The following FGF12 variants were observed in gnomAD, a reference collection of about 807,000 sequenced individuals.
FGF12 encodes fibroblast growth factor 12, also known as fibroblast growth factor 12B.
FGF12 carries 14 observed loss-of-function variants against 23.6 expected under a neutral mutation model. That is an observed-to-expected ratio of 0.59 (90% CI 0.39 to 0.93). The LOEUF (loss-of-function observed/expected upper bound fraction) is 0.93, where lower values mean the gene tolerates loss of function less well. Ranked by LOEUF, FGF12 falls within the 40% of genes least tolerant of loss-of-function variation. The pLI, the probability that FGF12 is intolerant of heterozygous loss-of-function variation, is 0.00. For synonymous variants in FGF12, 62 were observed against 77.3 expected, an observed-to-expected ratio of 0.80 and a Z score of 1.04; for missense variants, 175 against 217.8, an observed-to-expected ratio of 0.80 and a Z score of 1.24.
At chr3:192,428,498 A>G (rs1175682563) in intron 2 of FGF12, among the ~76,000 whole-genome samples, 1 of 152,194 alleles carries the variant, frequency 6.6e-6, no homozygotes, top group Non-Finnish European at 1.5e-5. Flanking sequence ...AAATTAGAGT[A>G]TCTGGGTCTT....
At chr3:192,599,696 C>T (rs1714027959) in intron 2 of FGF12, among the ~76,000 whole-genome samples, 1 of 151,958 alleles carries the variant, frequency 6.6e-6, no homozygotes, top group African/African-American at 2.4e-5. Context: ...TAGTCTAGCA[C>T]TGAGGATACG....
chr3:192,511,458 CCT>C (rs1724473224), intron 2 of FGF12, among the ~76,000 whole-genome samples: 1 of 152,136 alleles, frequency 6.6e-6, no homozygotes, highest in Non-Finnish European at 1.5e-5. Flanking sequence ...CCACATTTCC[CCT>C]GACTACATTT....
intron 3 of FGF12, among the ~76,000 whole-genome samples, chr3:192,341,498 G>T (rs1176575591): frequency 6.6e-6 from 1 of 152,020 alleles, no homozygotes; most frequent in Admixed American, 6.6e-5. Context: ...ATAGTTCTCA[G>T]CTTTTCAAAA....
chr3:192,158,161 C>G (rs1043171140), intron 5 of FGF12, among the ~76,000 whole-genome samples: 3 of 152,108 alleles, frequency 2.0e-5, no homozygotes, highest in African/African-American at 4.8e-5. Flanking sequence ...GTACACAGCA[C>G]TTTCTGGAAT....
At position 192,247,706 on chromosome 3, in the gene FGF12, G is replaced by A. The variant is rs780090988; in HGVS notation, c.229-77050C>T. On this transcript the variant is annotated intron_variant, in intron 4 of 5. Transcript: ENST00000445105. ...AAGGAATGTATGCAAAATTGAAGACGTTAAGTCTGGGAAAGATTTATAGAA... is the reference window on the plus strand; with the variant it reads ...AAGGAATGTATGCAAAATTGAAGACATTAAGTCTGGGAAAGATTTATAGAA... Among the ~76,000 whole-genome samples the A allele has an allele frequency of 3.3e-5, 5 of 152,130 alleles. No individual in the cohort carries two copies. In the South Asian group the frequency reaches 6.2e-4, roughly 19 times the overall value.
At chr3:192,569,474 A>G (rs1532684) in intron 2 of FGF12, among the ~76,000 whole-genome samples, 97,455 of 152,092 alleles carry the variant, frequency 0.64, 32,119 homozygotes, top group African/African-American at 0.79. Context: ...ACCAGTAATT[A>G]AATATTTATA....
intron 2 of FGF12, among the ~76,000 whole-genome samples, chr3:192,656,766 G>A (rs1451010886): frequency 6.6e-6 from 1 of 152,136 alleles, no homozygotes; most frequent in Admixed American, 6.5e-5. Flanking sequence ...AAAACACCTA[G>A]CAGTGTAGGC....
intron 2 of FGF12, among the ~76,000 whole-genome samples, chr3:192,707,927 C>T (rs981494004): frequency 1.3e-5 from 2 of 151,912 alleles, no homozygotes; most frequent in Admixed American, 1.3e-4. Flanking sequence ...GAAGTTCAGT[C>T]ATATGGAATA....
At chr3:192,332,387 C>A (rs1169005076) in intron 4 of FGF12, among the ~76,000 whole-genome samples, 9 of 151,638 alleles carry the variant, frequency 5.9e-5, no homozygotes, top group Non-Finnish European at 1.2e-4. Flanking sequence ...AATAAAGCAA[C>A]AGAATTTTTT....
At chr3:192,547,201 C>A (rs1216054730) in intron 2 of FGF12, among the ~76,000 whole-genome samples, 1 of 152,140 alleles carries the variant, frequency 6.6e-6, no homozygotes, top group South Asian at 2.1e-4. Context: ...TGTATGGAAT[C>A]CTTTATAGAA....
chr3:192,700,067 A>C (rs1402748985), intron 2 of FGF12, among the ~76,000 whole-genome samples: 2 of 152,218 alleles, frequency 1.3e-5, no homozygotes, highest in Admixed American at 1.3e-4. Context: ...TACTTCTTAC[A>C]AAATCACTTC....
At chr3:192,685,735 G>A (rs980300265) in intron 2 of FGF12, among the ~76,000 whole-genome samples, 1 of 152,134 alleles carries the variant, frequency 6.6e-6, no homozygotes, top group African/African-American at 2.4e-5. Flanking sequence ...TGCAATATTT[G>A]AGAAAAATAA....
intron 4 of FGF12, among the ~76,000 whole-genome samples, chr3:192,180,364 G>A (rs1318697043): frequency 3.3e-5 from 5 of 152,116 alleles, no homozygotes; most frequent in African/African-American, 9.7e-5. Flanking sequence ...TTTTAGAGAC[G>A]ACATATCTAG....
intron 2 of FGF12, among the ~76,000 whole-genome samples, chr3:192,553,090 A>G (rs1711602093): frequency 1.3e-5 from 2 of 152,194 alleles, no homozygotes; most frequent in Admixed American, 1.3e-4. Flanking sequence ...CACCAGTAAA[A>G]ATACGCTATA....
At chr3:192,507,463 C>A (rs1032529427) in intron 2 of FGF12, among the ~76,000 whole-genome samples, 3 of 151,342 alleles carry the variant, frequency 2.0e-5, no homozygotes, top group Non-Finnish European at 4.4e-5. Context: ...TGTACATAGA[C>A]CTAAATCTTC....
intron 4 of FGF12, among the ~76,000 whole-genome samples, chr3:192,242,856 T>C (rs528043855): frequency 6.6e-6 from 1 of 152,116 alleles, no homozygotes; most frequent in South Asian, 2.1e-4. Context: ...GCAATTTAAT[T>C]TTGCTGATAT....
chr3:192,382,429 C>A (rs1427630680), intron 2 of FGF12, among the ~76,000 whole-genome samples: 1 of 152,164 alleles, frequency 6.6e-6, no homozygotes, highest in South Asian at 2.1e-4. Context: ...AACCTAAACA[C>A]CATTGCACAA....
At chr3:192,499,905 A>C (rs959246302) in intron 2 of FGF12, among the ~76,000 whole-genome samples, 1 of 152,102 alleles carries the variant, frequency 6.6e-6, no homozygotes, top group African/African-American at 2.4e-5. Flanking sequence ...CTCTGCACTT[A>C]AGCTCTGTAA....
chr3:192,310,549 C>T (rs749299186), intron 4 of FGF12, among the ~76,000 whole-genome samples: 2 of 152,146 alleles, frequency 1.3e-5, no homozygotes, highest in Non-Finnish European at 2.9e-5. Context: ...TTGATACATA[C>T]ATTTCTATAT....
Sources: gnomAD v4.1 joint callset for allele counts (sites outside exome capture counted in the v4.1 genomes callset) on GRCh38, gnomAD v4.1.1 for gene constraint, MANE v1.5 for transcripts, NCBI Gene and HGNC (gene_info 2026-07-23, HGNC 2026-07-21) for gene names.